The following DCAF8L2 variants were observed in gnomAD, a reference collection of about 807,000 sequenced individuals.
The protein encoded by DCAF8L2 is DDB1- and CUL4-associated factor 8-like protein 2.
For missense variants in DCAF8L2, 430 were observed against 490.7 expected (o/e 0.88, Z 1.17); for synonymous variants, 200 against 190.9 (o/e 1.05, Z -0.39).
intron 3 of DCAF8L2, among the ~76,000 whole-genome samples, chrX:27,710,501 G>A (rs747259047): frequency 2.3e-4 from 25 of 110,911 alleles, no homozygotes; most frequent in Middle Eastern, 4.7e-3. Flanking sequence ...TCTGTCTTTC[G>A]TGTCTTTTGT....
chrX:27,675,004 T>A (rs769899553), intron 2 of DCAF8L2, among the ~76,000 whole-genome samples: 1 of 111,958 alleles, frequency 8.9e-6, no homozygotes, highest in South Asian at 3.7e-4. Context: ...AAATTGGAAT[T>A]GCTTTTATGA....
intron 4 of DCAF8L2, among the ~76,000 whole-genome samples, chrX:27,727,695 C>A (rs1182998173): frequency 9.0e-6 from 1 of 111,388 alleles, no homozygotes; most frequent in Non-Finnish European, 1.9e-5. Context: ...AAACACCGTG[C>A]TAAAATTTTT....
the DCAF8L2 span, among the ~76,000 whole-genome samples, chrX:27,514,483 A>C: frequency 1.1e-3 from 117 of 105,946 alleles, 1 homozygote; most frequent in African/African-American, 3.9e-3. Context: ...TCCCGGCTAA[A>C]ACGGTGAAAC....
intron 1 of DCAF8L2, among the ~76,000 whole-genome samples, chrX:27,605,898 A>T (rs1245162703): frequency 9.0e-6 from 1 of 110,942 alleles, no homozygotes; most frequent in Non-Finnish European, 1.9e-5. Context: ...GAAACTGGAC[A>T]GTCCCAGGGG....
At chrX:27,511,503 G>A in the DCAF8L2 span, among the ~76,000 whole-genome samples, 2 of 111,739 alleles carry the variant, frequency 1.8e-5, no homozygotes, top group African/African-American at 6.5e-5. Flanking sequence ...AAAACTGCAT[G>A]CTCTAATAAA....
At chrX:27,638,793 T>C (rs1044399436) in intron 2 of DCAF8L2, among the ~76,000 whole-genome samples, 1 of 111,171 alleles carries the variant, frequency 9.0e-6, no homozygotes, top group Non-Finnish European at 1.9e-5. Context: ...TCTCAAACTT[T>C]AGTGCACATC....
intron 2 of DCAF8L2, among the ~76,000 whole-genome samples, chrX:27,640,935 C>T (rs1170748155): frequency 4.5e-5 from 5 of 111,560 alleles, no homozygotes; most frequent in African/African-American, 1.6e-4. Context: ...GTAGAGATGA[C>T]TTATAACAGT....
At chrX:27,475,436 T>C in the DCAF8L2 span, among the ~76,000 whole-genome samples, 2 of 112,058 alleles carry the variant, frequency 1.8e-5, no homozygotes, top group Non-Finnish European at 3.8e-5. Flanking sequence ...TTCAAGGGTC[T>C]AACAGTTTTG....
the DCAF8L2 span, chrX:27,518,965 G>A: frequency 1.6e-5 from 10 of 620,668 alleles, no homozygotes; most frequent in Non-Finnish European, 2.5e-5. Context: ...TGTTTTTTAT[G>A]CACCTCATCT....
intron 1 of DCAF8L2, among the ~76,000 whole-genome samples, chrX:27,613,729 G>A (rs1457407350): frequency 1.8e-5 from 2 of 110,787 alleles, no homozygotes; most frequent in African/African-American, 6.6e-5. Context: ...TTTGTCTTTG[G>A]TTCTGTTTAT....
intron 4 of DCAF8L2, among the ~76,000 whole-genome samples, chrX:27,732,699 A>G (rs1485573448): frequency 9.0e-6 from 1 of 111,335 alleles, no homozygotes; most frequent in Admixed American, 9.6e-5. Context: ...TAATATCTCC[A>G]TAAGTTGCTG....
the DCAF8L2 span, among the ~76,000 whole-genome samples, chrX:27,499,348 C>A: frequency 8.9e-6 from 1 of 112,044 alleles, no homozygotes; most frequent in Non-Finnish European, 1.9e-5. Flanking sequence ...TTTTCATATA[C>A]CTGTTGGCCA....
chrX:27,736,457 G>A, intron 4 of DCAF8L2, among the ~76,000 whole-genome samples: 1 of 112,045 alleles, frequency 8.9e-6, no homozygotes, highest in Non-Finnish European at 1.9e-5. Context: ...TGAATCAAAA[G>A]CAATACCTGC....
chrX:27,595,903 G>T (rs1926334331), intron 1 of DCAF8L2, among the ~76,000 whole-genome samples: 2 of 111,444 alleles, frequency 1.8e-5, no homozygotes, highest in Admixed American at 9.5e-5. Flanking sequence ...GGTGGTGCGT[G>T]CCTGTAGTCC....
At chrX:27,542,794 G>A in the DCAF8L2 span, among the ~76,000 whole-genome samples, 6 of 109,810 alleles carry the variant, frequency 5.5e-5, no homozygotes, top group African/African-American at 9.9e-5. Flanking sequence ...CGCCCGCCTC[G>A]GCCTCCCAAA....
chrX:27,491,804 C>T, the DCAF8L2 span, among the ~76,000 whole-genome samples: 1 of 111,219 alleles, frequency 9.0e-6, no homozygotes, highest in African/African-American at 3.3e-5. Flanking sequence ...GACTTTCTAC[C>T]AAATACTTCT....
chrX:27,503,390 A>G, the DCAF8L2 span, among the ~76,000 whole-genome samples: 2 of 110,497 alleles, frequency 1.8e-5, no homozygotes, highest in Admixed American at 9.7e-5. Flanking sequence ...TAGGTCATAA[A>G]TTTTTTTCTG....
At chrX:27,504,466 C>A in the DCAF8L2 span, among the ~76,000 whole-genome samples, 1 of 111,470 alleles carries the variant, frequency 9.0e-6, no homozygotes, top group South Asian at 3.7e-4. Flanking sequence ...ACTTATTGTT[C>A]TTATGCCCAT....
At chrX:27,620,925 T>C (rs940403938) in intron 1 of DCAF8L2, among the ~76,000 whole-genome samples, 1 of 112,147 alleles carries the variant, frequency 8.9e-6, no homozygotes, top group African/African-American at 3.2e-5. Flanking sequence ...ATAAAGTGTC[T>C]GTGGATAAAT....
Sources: allele counts gnomAD v4.1 joint callset (sites outside exome capture counted in the v4.1 genomes callset), GRCh38; gene constraint gnomAD v4.1.1; transcripts MANE v1.5; gene names NCBI Gene and HGNC (gene_info 2026-07-23, HGNC 2026-07-21).